Variants in SLC45A2 observed in about 807,000 individuals in gnomAD.
The protein encoded by SLC45A2 is solute carrier family 45 member 2, also known as membrane-associated transporter protein.
A neutral mutation model predicts 45.5 loss-of-function variants in SLC45A2; 36 were observed. That is an observed-to-expected ratio of 0.79 (90% CI 0.61 to 1.04). The LOEUF (loss-of-function observed/expected upper bound fraction) is 1.04, where lower values mean the gene tolerates loss of function less well. SLC45A2 is among the 50% of genes least tolerant of loss of function. The pLI is 0.00. For synonymous variants in SLC45A2, 306 were observed against 269.3 expected (o/e 1.14, Z -1.33); for missense variants, 719 against 671.0 (o/e 1.07, Z -0.79).
In SLC45A2 at chr5:33,954,443, T is replaced by C; in HGVS notation, c.950A>G (p.Tyr317Cys). ...GAGGTGGCTGATGCAAAGGTAGCGG[T>C]AGTGAGGAGGCATGTTCACCAGTGC... Reference protein sequence around the residue: ...LRALVNMPPHYRYLCISHLIG... With the variant: ...LRALVNMPPHCRYLCISHLIG... The change falls in exon 4 of 7, where the codon TAC (tyrosine) becomes TGC (cysteine). Residue 317 changes from tyrosine to cysteine, a missense_variant. Coordinates refer to ENST00000296589, the MANE Select transcript of SLC45A2 (RefSeq NM_016180.5). 1.2e-6 allele frequency: 2 copies of C among 1,614,010 alleles called. No homozygotes were observed. The highest frequency in any genetic ancestry group is 1.7e-6 in the Non-Finnish European group (2 of 1,179,986).
At chr5:33,946,912 G>T in intron 6 of SLC45A2, 1 of 1,418,904 alleles carries the variant, frequency 7.0e-7, no homozygotes, top group Non-Finnish European at 9.2e-7. Context: ...AGAAAAATGG[G>T]AGTAACACTT....
At chr5:33,945,963 G>A in intron 6 of SLC45A2, 1 of 985,380 alleles carries the variant, frequency 1.0e-6, no homozygotes, top group Non-Finnish European at 1.2e-6. Flanking sequence ...ATAGTAAATG[G>A]TAAAGGGAGC....
chr5:33,976,098 C>T (rs1414350689), intron 2 of SLC45A2, among the ~76,000 whole-genome samples: 1 of 152,216 alleles, frequency 6.6e-6, no homozygotes, highest in Admixed American at 6.5e-5. Flanking sequence ...AAATAAACAT[C>T]TGCCTTGAAG....
intron 4 of SLC45A2, among the ~76,000 whole-genome samples, chr5:33,952,861 A>T (rs1032798871): frequency 2.1e-4 from 20 of 93,972 alleles, no homozygotes; most frequent in Non-Finnish European, 3.9e-4. Context: ...ACCCCACCAC[A>T]GTCCCCAGAG....
intron 1 of SLC45A2, among the ~76,000 whole-genome samples, chr5:33,983,030 G>T (rs1254333997): frequency 6.6e-6 from 1 of 152,166 alleles, no homozygotes; most frequent in Non-Finnish European, 1.5e-5. Context: ...AACACAGATT[G>T]CTGGCCCCAT....
At chr5:33,973,067 T>C (rs912943614) in intron 2 of SLC45A2, among the ~76,000 whole-genome samples, 1 of 152,140 alleles carries the variant, frequency 6.6e-6, no homozygotes, top group Admixed American at 6.5e-5. Context: ...GGTACCTCTG[T>C]GATGGGAGTC....
intron 5 of SLC45A2, among the ~76,000 whole-genome samples, chr5:33,950,596 A>C (rs1175274187): frequency 6.6e-6 from 1 of 152,126 alleles, no homozygotes; most frequent in Non-Finnish European, 1.5e-5. Context: ...GGGCCCTCAC[A>C]TACATCCACA....
intron 2 of SLC45A2, 139 bp from the exon 3 acceptor site, chr5:33,964,155 C>A (rs1350948253): frequency 8.1e-6 from 7 of 868,686 alleles, no homozygotes; most frequent in Non-Finnish European, 1.3e-5. Context: ...AGCAATACAG[C>A]AAGAGGCTGA....
chr5:33,957,247 C>G lies in SLC45A2; in HGVS notation c.889-2743G>C, dbSNP rs533774840. 3.9e-5 allele frequency among the ~76,000 whole-genome samples: 6 copies of G among 152,254 alleles called. No homozygotes were observed. The South Asian group carries it at 1.2e-3, about 32-fold the overall frequency. On this transcript the variant is annotated intron_variant, in intron 3 of 6. Transcript: ENST00000296589. ...CATCAGACACAATTTGGTAATTGGT[C>G]TTTCTTGTCATATTTTTATTTATTC...
intron 2 of SLC45A2, among the ~76,000 whole-genome samples, chr5:33,971,643 T>C (rs995708663): frequency 6.6e-6 from 1 of 152,016 alleles, no homozygotes; most frequent in Non-Finnish European, 1.5e-5. Flanking sequence ...TATTTTTTAT[T>C]TTGAGACGGA....
chr5:33,974,937 G>T (rs1279976817), intron 2 of SLC45A2, among the ~76,000 whole-genome samples: 1 of 150,560 alleles, frequency 6.6e-6, no homozygotes, highest in Non-Finnish European at 1.5e-5. Context: ...AAAGCATATT[G>T]TATTTTATGA....
chr5:33,956,035 TC>T (rs1047166330), intron 3 of SLC45A2, among the ~76,000 whole-genome samples: 4 of 60,856 alleles, frequency 6.6e-5, no homozygotes, highest in Non-Finnish European at 4.8e-4. Flanking sequence ...GATGAAGTCC[TC>T]AGGGGCAGAC....
In SLC45A2 at chr5:33,954,389, A is replaced by C. The variant is rs1303922963; in HGVS notation, c.1004T>G (p.Met335Arg). The stretch of plus-strand genomic sequence containing the variant: ...GCCCATGAAATCTGTGAAGAACAGC[A>C]TGTTGGACAGGAAGGCTGTCCATCC... ...LIGWTAFLSN[M>R]LFFTDFMGQI... Residue 335 changes from methionine to arginine, a missense_variant, in exon 4 of 7, where the codon ATG (methionine) becomes AGG (arginine). Physicochemically the swap from Met to Arg is moderately conservative, Grantham distance 91. Coordinates refer to ENST00000296589, the MANE Select transcript of SLC45A2 (RefSeq NM_016180.5). 1.2e-5 allele frequency: 19 copies of C among 1,614,070 alleles called. No homozygotes were observed. The highest frequency in any genetic ancestry group is 1.6e-5 in the Non-Finnish European group (19 of 1,179,988).
chr5:33,963,751 A>T lies in SLC45A2; in HGVS notation c.828T>A (p.Asn276Lys). 1.9e-6 allele frequency: 3 copies of T among 1,614,112 alleles called. No homozygotes were observed. In the South Asian group the frequency reaches 3.3e-5, roughly 18 times the overall value. The change falls in exon 3 of 7, where the codon AAT becomes AAA. Residue 276 changes from asparagine (N) to lysine (K), a missense_variant. By Grantham distance (94) the Asn-to-Lys change is moderately conservative (BLOSUM62 0). Transcript: ENST00000296589. ...TTGCCAGCTCTGGATTTACGTAACC[A>T]TTTTTAACTTTCTCGATAGAACCAT... ...YEYGSIEKVKNGYVNPELAMQ... is the reference protein window; with the variant it reads ...YEYGSIEKVKKGYVNPELAMQ...
intron 3 of SLC45A2, 81 bp downstream of exon 3, chr5:33,963,610 A>C: frequency 6.8e-7 from 1 of 1,480,086 alleles, no homozygotes; most frequent in South Asian, 1.1e-5. Context: ...CAAACAGACA[A>C]AACAAACAAT....
chr5:33,977,501 G>A (rs1432567637), intron 2 of SLC45A2, among the ~76,000 whole-genome samples: 2 of 152,134 alleles, frequency 1.3e-5, no homozygotes, highest in East Asian at 1.9e-4. Context: ...CTGCAGTTTC[G>A]AAGAGAATGA....
chr5:33,947,243 G>C lies in SLC45A2; in HGVS notation c.1288C>G (p.Leu430Val). 1 of 1,614,174 alleles carries C rather than the reference G, an allele frequency of 6.2e-7. No individual in the cohort carries two copies. The highest frequency in any genetic ancestry group is 8.5e-7 in the Non-Finnish European group (1 of 1,180,032). Residue 430 changes from leucine to valine, a missense_variant, in exon 6 of 7, where the codon CTG (leucine) becomes GTG (valine). By Grantham distance (32) the Leu-to-Val change is conservative. Transcript: ENST00000296589. ...AGGGTGCTGGACATTACACCAAACA[G>C]GCTGCACAGGACCAGGGTGGAGTAG... ...NVYSTLVLCS[L>V]FGVMSSTLYT...
intron 2 of SLC45A2, among the ~76,000 whole-genome samples, chr5:33,980,459 T>C (rs990526757): frequency 6.6e-6 from 1 of 152,148 alleles, no homozygotes; most frequent in African/African-American, 2.4e-5. Flanking sequence ...AGCTTCCACA[T>C]CTGAAAAATG....
chr5:33,968,321 C>T (rs530471269), intron 2 of SLC45A2, among the ~76,000 whole-genome samples: 2 of 152,334 alleles, frequency 1.3e-5, no homozygotes, highest in Admixed American at 6.5e-5. Context: ...CCCACACCTA[C>T]ATCCAGACTG....
Sources: allele counts gnomAD v4.1 joint callset (sites outside exome capture counted in the v4.1 genomes callset), GRCh38; gene constraint gnomAD v4.1.1; transcripts MANE v1.5; gene names NCBI Gene and HGNC (gene_info 2026-07-23, HGNC 2026-07-21).